ANO10: variants seen among roughly 807,000 people sequenced by gnomAD.
ANO10 encodes the protein anoctamin-10.
Under a neutral mutation model 74.7 loss-of-function variants are expected in ANO10, and 77 were observed. The observed-to-expected ratio is 1.03, with a 90% CI of 0.86 to 1.25. The LOEUF (loss-of-function observed/expected upper bound fraction) is 1.25. Among genes scored for constraint, ANO10 ranks in the 50% most tolerant of loss-of-function variants. The pLI, the probability that ANO10 is intolerant of heterozygous loss-of-function variation, is 0.00. For synonymous variants in ANO10, 279 were observed against 284.9 expected (o/e 0.98, Z 0.21); for missense variants, 721 against 778.1 (o/e 0.93, Z 0.87).
At chr3:43,679,355 T>C (rs534354064) in intron 1 of ANO10, among the ~76,000 whole-genome samples, 14 of 152,150 alleles carry the variant, frequency 9.2e-5, no homozygotes, top group Admixed American at 3.3e-4. Context: ...AGCACGGCAG[T>C]CTGAGATCAA....
chr3:43,466,369 C>CAAAAAA (rs36126977), intron 11 of ANO10, among the ~76,000 whole-genome samples: 17 of 45,348 alleles, frequency 3.7e-4, no homozygotes, highest in Admixed American at 9.3e-4. Flanking sequence ...GACTCCATCT[C>CAAAAAA]AAAAAAAAAA....
At chr3:43,606,332 G>A (rs1436407708) in intron 1 of ANO10, among the ~76,000 whole-genome samples, 1 of 152,140 alleles carries the variant, frequency 6.6e-6, no homozygotes, top group African/African-American at 2.4e-5. Context: ...GGTATGGTGG[G>A]AACATTAACT....
intron 11 of ANO10, among the ~76,000 whole-genome samples, chr3:43,544,232 G>A (rs1053301388): frequency 2.0e-5 from 3 of 151,898 alleles, no homozygotes; most frequent in Non-Finnish European, 4.4e-5. Context: ...TTATGACACC[G>A]CCAGTATTTA....
intron 11 of ANO10, among the ~76,000 whole-genome samples, chr3:43,518,306 C>G (rs1359436197): frequency 6.6e-6 from 1 of 152,126 alleles, no homozygotes; most frequent in Non-Finnish European, 1.5e-5. Context: ...TTTATCACTC[C>G]CCCAATCAAC....
At chr3:43,690,710 G>A in intron 1 of ANO10, 1 of 395,972 alleles carries the variant, frequency 2.5e-6, no homozygotes, top group East Asian at 3.8e-5. Flanking sequence ...AACTCATTCG[G>A]GTGAGTCTCG....
intron 12 of ANO10, among the ~76,000 whole-genome samples, chr3:43,420,638 T>C (rs1489923095): frequency 4.6e-5 from 7 of 152,256 alleles, no homozygotes; most frequent in Admixed American, 3.3e-4. Context: ...CCTACACTTT[T>C]GGTGTAGGAA....
At chr3:43,423,319 T>C (rs1486856957) in intron 12 of ANO10, among the ~76,000 whole-genome samples, 2 of 152,218 alleles carry the variant, frequency 1.3e-5, no homozygotes, top group Non-Finnish European at 2.9e-5. Flanking sequence ...TTATTTAATA[T>C]ATTGGCTTGT....
rs149580265 is a variant in ANO10, at chr3:43,561,295, C to A, written c.1401G>T (p.Val467=). 7.9e-5 allele frequency: 127 copies of A among 1,614,030 alleles called. No individual in the cohort carries two copies. Among genetic ancestry groups the A allele is most frequent in the Non-Finnish European group, 1.0e-4 (121 of 1,180,032 alleles). Residue 467 remains valine (V), a synonymous_variant, in exon 9 of 13, where the codon GTG becomes GTT. Transcript: ENST00000292246. Reference sequence around the variant, plus strand: ...CATCAATGTCTGCCTTTAAAGCCTGCACCTTCCTCTTCACCCGCACACCAT... The same window carrying A: ...CATCAATGTCTGCCTTTAAAGCCTGAACCTTCCTCTTCACCCGCACACCAT... ...RKHGVRVKRK[V]QALKADIDAT...
At chr3:43,570,305 A>C (rs1226778472) in intron 7 of ANO10, among the ~76,000 whole-genome samples, 16 of 149,818 alleles carry the variant, frequency 1.1e-4, no homozygotes, top group East Asian at 4.0e-4. Flanking sequence ...GCTACCAATG[A>C]CTTTCTTCAC....
chr3:43,562,040 T>C (rs2080061066), intron 8 of ANO10, among the ~76,000 whole-genome samples: 1 of 152,074 alleles, frequency 6.6e-6, no homozygotes, highest in South Asian at 2.1e-4. Context: ...AAAATCCACA[T>C]ATTTACAGTC....
At chr3:43,418,005 G>A (rs776707421) in intron 12 of ANO10, among the ~76,000 whole-genome samples, 7 of 152,158 alleles carry the variant, frequency 4.6e-5, no homozygotes, top group Non-Finnish European at 7.4e-5. Context: ...AAGGCCGGGC[G>A]CAGTGGCTCA....
chr3:43,391,021 C>G (rs1016409530), intron 12 of ANO10, among the ~76,000 whole-genome samples: 1 of 152,134 alleles, frequency 6.6e-6, no homozygotes, highest in Non-Finnish European at 1.5e-5. Flanking sequence ...GTCCTGAATA[C>G]CCTCACTCAG....
chr3:43,572,818 G>C (rs540477896), intron 7 of ANO10, among the ~76,000 whole-genome samples: 1 of 152,268 alleles, frequency 6.6e-6, no homozygotes, highest in Admixed American at 6.5e-5. Flanking sequence ...CGGAGATGGG[G>C]AGTCATTCTA....
At chr3:43,691,063 TC>T in intron 1 of ANO10, 3 of 1,531,234 alleles carry the variant, frequency 2.0e-6, no homozygotes, top group Non-Finnish European at 2.6e-6. Context: ...GCAGGGGGCT[TC>T]GTGTGTCTCC....
chr3:43,432,944 C>CTT (rs5848663), intron 11 of ANO10, among the ~76,000 whole-genome samples: 8,232 of 54,978 alleles, frequency 0.15, 2,378 homozygotes, highest in Middle Eastern at 0.21. Context: ...TTGCTTAATT[C>CTT]TTTTTTTTTT....
intron 11 of ANO10, among the ~76,000 whole-genome samples, chr3:43,460,791 T>A (rs551579217): frequency 3.9e-4 from 59 of 151,954 alleles, no homozygotes; most frequent in African/African-American, 1.2e-3. Context: ...GGGTTTTTTT[T>A]AAAAAAAGGA....
At chr3:43,632,788 G>C (rs1014320929) in intron 1 of ANO10, among the ~76,000 whole-genome samples, 1 of 152,172 alleles carries the variant, frequency 6.6e-6, no homozygotes, top group Non-Finnish European at 1.5e-5. Context: ...GGTAATTCAC[G>C]ATTTGATTTT....
intron 1 of ANO10, among the ~76,000 whole-genome samples, chr3:43,666,906 A>G (rs1003224569): frequency 3.3e-5 from 5 of 152,028 alleles, no homozygotes; most frequent in Non-Finnish European, 7.3e-5. Context: ...AGTAGGGTAT[A>G]TGATTTGATT....
chr3:43,555,457 C>T lies in ANO10; in HGVS notation c.1489G>A (p.Asp497Asn). Residue 497 changes from aspartate (D) to asparagine (N), a missense_variant, in exon 10 of 13, where the codon GAT (aspartate) becomes AAT (asparagine). Physicochemically the swap from Asp to Asn is conservative, Grantham distance 23. Coordinates refer to ENST00000292246, the MANE Select transcript of ANO10 (RefSeq NM_018075.5). The part of the protein sequence containing the change: ...EMGTYLGTFD[D>N]YLELFLQFGY... ...AACTGCAGGAATAACTCCAAGTAAT[C>T]ATCAAAGGTGCCCTGAAAATATAAA... 1.2e-6 allele frequency: 2 copies of T among 1,614,086 alleles called. No individual in the cohort carries two copies. Among genetic ancestry groups the T allele is most frequent in the Non-Finnish European group, 1.7e-6 (2 of 1,180,002 alleles).
Sources: gnomAD v4.1 joint callset for allele counts (sites outside exome capture counted in the v4.1 genomes callset) on GRCh38, gnomAD v4.1.1 for gene constraint, MANE v1.5 for transcripts, NCBI Gene and HGNC (gene_info 2026-07-23, HGNC 2026-07-21) for gene names.